The following PTBP1 variants were observed in gnomAD, a reference collection of about 807,000 sequenced individuals.
PTBP1 encodes polypyrimidine tract binding protein 1.
Under a neutral mutation model 59.8 loss-of-function variants are expected in PTBP1, and 8 were observed. The ratio of observed to expected loss-of-function variants is 0.13; its 90% CI spans 0.08 to 0.24. The LOEUF (loss-of-function observed/expected upper bound fraction) is 0.24. Ranked by LOEUF, PTBP1 falls within the 10% of genes least tolerant of loss-of-function variation. PTBP1 has a pLI of 1.00. For missense variants in PTBP1, 686 were observed against 767.0 expected (o/e 0.89, Z 1.25); for synonymous variants, 490 against 320.7 (o/e 1.53, Z -5.64).
intron 9 of PTBP1, 90 bp from the exon 10 acceptor site, chr19:806,318 C>G: frequency 2.9e-6 from 4 of 1,396,358 alleles, no homozygotes; most frequent in Non-Finnish European, 3.8e-6. Flanking sequence ...GGCTCGGCTC[C>G]TCGGTGCATG....
At chr19:806,307 CGG>C in intron 9 of PTBP1, 99 bp from the exon 10 acceptor site, 16 of 1,334,662 alleles carry the variant, frequency 1.2e-5, no homozygotes, top group Non-Finnish European at 1.5e-5. Context: ...GCCTCCCGCG[CGG>C]CTCGGCTCCT....
intron 13 of PTBP1, among the ~76,000 whole-genome samples, chr19:809,768 C>T (rs889123923): frequency 1.6e-4 from 24 of 152,114 alleles, no homozygotes; most frequent in African/African-American, 4.6e-4. Context: ...GTGGTGTGCA[C>T]GTCAGGTCCC....
At chr19:802,385 G>T (rs979415738) in intron 2 of PTBP1, among the ~76,000 whole-genome samples, 2 of 151,846 alleles carry the variant, frequency 1.3e-5, no homozygotes, top group African/African-American at 4.8e-5. Flanking sequence ...CAGCGTTGGT[G>T]GGGGCTCTTT....
chr19:810,682 C>T lies in PTBP1; in HGVS notation c.1542-12C>T, dbSNP rs1380388154. 1 of 1,612,032 alleles carries T rather than the reference C, an allele frequency of 6.2e-7. No homozygotes were observed. Among genetic ancestry groups the T allele is most frequent in the Non-Finnish European group, 8.5e-7 (1 of 1,179,412 alleles). On this transcript the variant is annotated splice_polypyrimidine_tract_variant and intron_variant, in intron 14 of 14. Coordinates refer to ENST00000356948, the MANE Select transcript of PTBP1 (RefSeq NM_002819.5). ...GCTGCCCTGCGGCCGGCCCTGACCC[C>T]CTGTCTTGCAGGAAGGACCGCAAGA...
At chr19:806,116 C>G (rs902183571) in intron 9 of PTBP1, 37 of 348,386 alleles carry the variant, frequency 1.1e-4, no homozygotes, top group African/African-American at 2.2e-4. Context: ...CCGAGGGCCC[C>G]GTGTCTGTGC....
Position 808,398 on chromosome 19 carries a change from A to G in PTBP1, c.1192A>G (p.Asn398Asp). ...CGTGCAGCGCGTGAAGATCCTGTTC[A>G]ATAAGAAGGAGAACGCCCTAGTGCA... ...GDVQRVKILFNKKENALVQMA... is the reference protein window; with the variant it reads ...GDVQRVKILFDKKENALVQMA... The change falls in exon 12 of 15, where the codon AAT (asparagine) becomes GAT (aspartate). Residue 398 changes from asparagine (N) to aspartate (D), a missense_variant. Coordinates refer to ENST00000356948, the MANE Select transcript of PTBP1 (RefSeq NM_002819.5). The surrounding 1 kb of genome is among the most constrained non-coding windows in gnomAD (Gnocchi z 4.7). 6.2e-7 allele frequency: 1 copy of G among 1,607,162 alleles called. No homozygotes were observed. The highest frequency in any genetic ancestry group is 8.5e-7 in the Non-Finnish European group (1 of 1,177,994).
chr19:804,630 C>G lies in PTBP1; in HGVS notation c.534C>G (p.Ala178=), dbSNP rs768566827. The G allele has an allele frequency of 1.2e-6, 2 of 1,612,828 alleles. No individual in the cohort carries two copies. The highest frequency in any genetic ancestry group is 1.7e-6 in the Non-Finnish European group (2 of 1,179,826). Residue 178 remains alanine, a synonymous_variant, in exon 6 of 15, where the codon GCC becomes GCG. Transcript: ENST00000356948. The part of the protein sequence containing the change: ...AAAVDAGMAM[A]GQSPVLRIIV... ...CCGTGGACGCAGGGATGGCGATGGC[C>G]GGGCAGAGCCCCGTGCTCAGGATCA...
intron 10 of PTBP1, chr19:807,625 G>T: frequency 8.6e-6 from 4 of 467,608 alleles, no homozygotes; most frequent in South Asian, 3.9e-5. Flanking sequence ...CGGTACTTCT[G>T]CTTCCTGTTG....
chr19:804,882 C>G lies in PTBP1; in HGVS notation c.660C>G (p.Asn220Lys). 1 of 1,614,042 alleles carries G rather than the reference C, an allele frequency of 6.2e-7. No homozygotes were observed. Among genetic ancestry groups the G allele is most frequent in the Non-Finnish European group, 8.5e-7 (1 of 1,179,928 alleles). The change falls in exon 7 of 15, where the codon AAC becomes AAG. Residue 220 changes from asparagine (N) to lysine (K), a missense_variant. Coordinates refer to ENST00000356948, the MANE Select transcript of PTBP1 (RefSeq NM_002819.5). ...AGATCATCACCTTCACCAAGAACAA[C>G]CAGTTCCAGGCCCTGCTGCAGTATG... is the stretch of plus-strand genomic sequence containing the variant. ...VLKIITFTKN[N>K]QFQALLQYAD...
rs1015080665 is a variant in PTBP1 at position 806,341 on chromosome 19, G to A, written c.971-67G>A. 6.7e-6 allele frequency: 10 copies of A among 1,497,006 alleles called. No individual in the cohort carries two copies. The East Asian group carries it at 8.0e-5, about 12-fold the overall frequency. The allele number at this position is 1,497,006 out of a possible 1,614,324, so 92.7% of individuals were successfully genotyped here. On this transcript the variant is annotated intron_variant, in intron 9 of 14. Coordinates refer to ENST00000356948, the MANE Select transcript of PTBP1 (RefSeq NM_002819.5). ...TCCTCGGTGCATGAGGACGGGGAGC[G>A]TCGGCCTCTCCCACTCTGCGGTGGA...
At chr19:799,248 C>T (rs572082323) in intron 1 of PTBP1, 165 bp from the exon 2 acceptor site, 15 of 763,508 alleles carry the variant, frequency 2.0e-5, no homozygotes, top group South Asian at 1.2e-4. Flanking sequence ...GCTCACTTCC[C>T]TGCCCTTCTG....
chr19:806,689 G>A (rs1048379026), intron 10 of PTBP1, 133 bp downstream of exon 10: 2 of 789,048 alleles, frequency 2.5e-6, no homozygotes, highest in South Asian at 2.4e-5. Context: ...CCCCTCTGCT[G>A]CAGCGCTGAG....
In PTBP1 at chr19:811,975, T is replaced by G. The variant is rs1298152943; in HGVS notation, c.*1149T>G. ...CCCCCGCGTCCTGTCCCGGGGGCTC[T>G]CCTAGGATCCCCTTTCCGTAAAAGC... On this transcript the variant is annotated 3_prime_UTR_variant, in exon 15 of 15. Transcript: ENST00000356948. 2 of 152,286 alleles carry G rather than the reference T, an allele frequency of 1.3e-5. No homozygotes were observed. Among genetic ancestry groups the G allele is most frequent in the Non-Finnish European group, 2.9e-5 (2 of 67,938 alleles). The allele number at this position is 152,286 out of a possible 1,614,324, so 9.4% of individuals were successfully genotyped here.
At chr19:799,139 TGTGGGGCCTGGTCCAGAG>T (rs1005876957) in intron 1 of PTBP1, among the ~76,000 whole-genome samples, 6 of 152,198 alleles carry the variant, frequency 3.9e-5, no homozygotes, top group East Asian at 1.9e-4. Context: ...TCTTGGAACG[TGTGGGGCCTGGTCCAGAG>T]GTGGGGCCTG....
At chr19:800,863 A>G (rs1213176909) in intron 2 of PTBP1, among the ~76,000 whole-genome samples, 1 of 151,986 alleles carries the variant, frequency 6.6e-6, no homozygotes, top group Non-Finnish European at 1.5e-5. Context: ...CCTCCTCTGC[A>G]GTTCCTAGGG....
At chr19:797,920 C>T (rs868660914) in intron 1 of PTBP1, among the ~76,000 whole-genome samples, 2 of 148,716 alleles carry the variant, frequency 1.3e-5, no homozygotes, top group South Asian at 2.1e-4. Flanking sequence ...CGTCGCGCGT[C>T]CCCGTTGGCC....
intron 2 of PTBP1, among the ~76,000 whole-genome samples, chr19:802,072 G>T (rs913523755): frequency 1.3e-5 from 2 of 152,206 alleles, no homozygotes; most frequent in African/African-American, 4.8e-5. Context: ...CGGCCCTTGT[G>T]GCTGCTCGAT....
In PTBP1 at chr19:812,155, A is replaced by C. The variant is rs1432575949; in HGVS notation, c.*1329A>C. On this transcript the variant is annotated 3_prime_UTR_variant, in exon 15 of 15. Transcript: ENST00000356948. ...CGCGGAGCCACAGGGGACCCCACGC[A>C]CATTCCGTTGCCTTACCCGATGGCT... The C allele has an allele frequency of 6.6e-6, 1 of 152,440 alleles. No individual in the cohort carries two copies. Among genetic ancestry groups the C allele is most frequent in the African/African-American group, 2.4e-5 (1 of 41,450 alleles). 9.4% of individuals were successfully genotyped at this position (152,440 alleles called of 1,614,324 possible).
rs774475342 is a variant in PTBP1 at position 804,070 on chromosome 19, C to T, written c.150C>T (p.Asp50=). ...ATGACAGCAAGAAGTTCAAAGGTGACAGCCGAAGTGCAGGCGTCCCCTCTA... is the reference window on the plus strand; with the variant it reads ...ATGACAGCAAGAAGTTCAAAGGTGATAGCCGAAGTGCAGGCGTCCCCTCTA... The part of the protein sequence containing the change: ...NGNDSKKFKG[D]SRSAGVPSRV... Residue 50 remains aspartate (D), a synonymous_variant, in exon 4 of 15, where the codon GAC becomes GAT. Coordinates refer to ENST00000356948, the MANE Select transcript of PTBP1 (RefSeq NM_002819.5). The T allele has an allele frequency of 3.1e-6, 5 of 1,613,916 alleles. No homozygotes were observed. The Admixed American group carries it at 6.7e-5, about 22-fold the overall frequency.
Sources: allele counts gnomAD v4.1 joint callset (sites outside exome capture counted in the v4.1 genomes callset), GRCh38; gene constraint gnomAD v4.1.1; non-coding constraint Gnocchi (gnomAD v3.1); transcripts MANE v1.5; gene names NCBI Gene and HGNC (gene_info 2026-07-23, HGNC 2026-07-21).